Variants in NMU observed in about 807,000 individuals in gnomAD.
NMU encodes the protein neuromedin U, also known as neuromedin-U.
In NMU, 29 loss-of-function variants were observed where a neutral mutation model predicts 35.4. That is an observed-to-expected ratio of 0.82 (90% confidence interval 0.61 to 1.12). The LOEUF is 1.12. NMU is among the 50% of genes most tolerant of loss of function. NMU has a pLI of 0.00. For missense variants in NMU, 199 were observed against 206.2 expected (o/e 0.97, Z 0.21); for synonymous variants, 78 against 81.3 (o/e 0.96, Z 0.22).
intron 3 of NMU, among the ~76,000 whole-genome samples, chr4:55,612,324 C>T (rs1174409717): frequency 6.6e-6 from 1 of 152,162 alleles, no homozygotes; most frequent in Non-Finnish European, 1.5e-5. Flanking sequence ...TGCTTGAGCC[C>T]AGGAGTTCGT....
At chr4:55,634,133 G>C (rs1218674690) in intron 1 of NMU, among the ~76,000 whole-genome samples, 3 of 152,144 alleles carry the variant, frequency 2.0e-5, no homozygotes, top group African/African-American at 4.8e-5. Flanking sequence ...GAGGCATCCA[G>C]TTGCATCTTG....
At chr4:55,633,039 T>C (rs1400142036) in intron 1 of NMU, among the ~76,000 whole-genome samples, 1 of 110,922 alleles carries the variant, frequency 9.0e-6, no homozygotes, top group East Asian at 2.5e-4. Context: ...ACGACTAATA[T>C]CCTGGCTGGG....
intron 2 of NMU, among the ~76,000 whole-genome samples, chr4:55,625,479 C>T (rs1279121938): frequency 1.3e-5 from 2 of 152,088 alleles, no homozygotes; most frequent in East Asian, 3.9e-4. Flanking sequence ...CCTTGTAATA[C>T]ACTTGATGAA....
rs2110188382 is a variant in NMU at position 55,604,997 on chromosome 4, C to T, written c.435+278G>A. On this transcript the variant is annotated intron_variant, in intron 7 of 9. Transcript: ENST00000264218. ...TTCTTAAACCAAGAATAGATTTTCT[C>T]ACCAAAAGTCATGGCTTTTGGAAAA... 2.6e-5 allele frequency among the ~76,000 whole-genome samples: 4 copies of T among 152,248 alleles called. No individual in the cohort carries two copies. In the South Asian group the frequency reaches 8.3e-4, roughly 32 times the overall value.
intron 1 of NMU, among the ~76,000 whole-genome samples, chr4:55,632,976 A>T (rs1242287747): frequency 2.8e-5 from 4 of 145,438 alleles, no homozygotes; most frequent in African/African-American, 1.0e-4. Flanking sequence ...TGTGGAAAAA[A>T]AAAAAAAAGG....
chr4:55,597,833 T>G (rs2110178145), intron 9 of NMU, among the ~76,000 whole-genome samples: 1 of 152,266 alleles, frequency 6.6e-6, no homozygotes, highest in African/African-American at 2.4e-5. Flanking sequence ...TGCAAAGTAC[T>G]CTTTCATGAT....
In NMU at chr4:55,607,327, T is replaced by A. The variant is rs748493995; in HGVS notation, c.331A>T (p.Thr111Ser). ...ACATTTGACTTGCCCAACTTCTGTG[T>A]CTTCGAATAATGAAATAAGAACTGT... is the stretch of plus-strand genomic sequence containing the variant. Reference protein sequence around the residue: ...TKRFLFHYSKTQKLGKSNVVS... With the variant: ...TKRFLFHYSKSQKLGKSNVVS... Residue 111 changes from threonine (T) to serine (S), a missense_variant, in exon 6 of 10, where the codon ACA becomes TCA. Physicochemically the swap from Thr to Ser is moderately conservative, Grantham distance 58. Coordinates refer to ENST00000264218, the MANE Select transcript of NMU (RefSeq NM_006681.4). 6.2e-7 allele frequency: 1 copy of A among 1,608,200 alleles called. No individual in the cohort carries two copies.
chr4:55,629,566 C>T (rs754823328), intron 2 of NMU, among the ~76,000 whole-genome samples: 5 of 136,134 alleles, frequency 3.7e-5, no homozygotes, highest in Non-Finnish European at 7.5e-5. Context: ...TTGCAGTGAG[C>T]GGAGATAGAG....
At chr4:55,607,258 C>T in intron 6 of NMU, 40 bp downstream of exon 6, 2 of 1,443,894 alleles carry the variant, frequency 1.4e-6, no homozygotes, top group Non-Finnish European at 1.9e-6. Context: ...TTCTTTTAAA[C>T]AAATATTAGT....
At position 55,633,242 on chromosome 4, in the gene NMU, A is replaced by G. The variant is rs892381623; in HGVS notation, c.113-2782T>C. On this transcript the variant is annotated intron_variant, in intron 1 of 9. Coordinates refer to ENST00000264218, the MANE Select transcript of NMU (RefSeq NM_006681.4). ...CGGGAGGCTGAGGCAGGAGAATGGC[A>G]TGAACCCGGGAGGCGGAGCTTGCAG... Among the ~76,000 whole-genome samples the G allele has an allele frequency of 9.9e-5, 15 of 151,436 alleles. No homozygotes were observed. The East Asian group carries it at 1.6e-3, about 16-fold the overall frequency.
chr4:55,635,421 G>A (rs1715855959), intron 1 of NMU, among the ~76,000 whole-genome samples: 1 of 152,128 alleles, frequency 6.6e-6, no homozygotes, highest in Non-Finnish European at 1.5e-5. Flanking sequence ...CTGTCGCACT[G>A]CCTGAAAGCC....
At chr4:55,602,577 G>C (rs1451986328) in intron 7 of NMU, among the ~76,000 whole-genome samples, 2 of 152,180 alleles carry the variant, frequency 1.3e-5, no homozygotes, top group African/African-American at 4.8e-5. Flanking sequence ...ACTAATGATT[G>C]TTGGTGTCTT....
chr4:55,628,958 C>A (rs911783237), intron 2 of NMU, among the ~76,000 whole-genome samples: 4 of 152,064 alleles, frequency 2.6e-5, no homozygotes, highest in African/African-American at 9.7e-5. Context: ...ATAGCTTATA[C>A]ATTTTGAGTT....
At position 55,616,316 on chromosome 4, in the gene NMU, A is replaced by G. The variant is rs781048800; in HGVS notation, c.219+22T>C. On this transcript the variant is annotated intron_variant, in intron 3 of 9. Coordinates refer to ENST00000264218, the MANE Select transcript of NMU (RefSeq NM_006681.4). ...CTACACAAACACCTACATTATTACA[A>G]AATATCTTCAATTGGAATTACCTGA... 3.8e-6 allele frequency: 6 copies of G among 1,588,302 alleles called. No individual in the cohort carries two copies. The Admixed American group carries it at 5.0e-5, about 13-fold the overall frequency.
intron 3 of NMU, among the ~76,000 whole-genome samples, chr4:55,614,285 A>G (rs73817216): frequency 0.018 from 2,776 of 152,222 alleles, 85 homozygotes; most frequent in African/African-American, 0.063. Flanking sequence ...TCCAGAATTT[A>G]TATTTTTTAT....
intron 2 of NMU, among the ~76,000 whole-genome samples, chr4:55,628,913 GA>G (rs1363466183): frequency 2.6e-5 from 4 of 151,706 alleles, no homozygotes; most frequent in Admixed American, 2.6e-4. Context: ...AAATATATAT[GA>G]AGCTAAAATT....
At chr4:55,613,787 C>G (rs930080837) in intron 3 of NMU, among the ~76,000 whole-genome samples, 1 of 152,098 alleles carries the variant, frequency 6.6e-6, no homozygotes, top group Non-Finnish European at 1.5e-5. Context: ...TGGAACCCAG[C>G]AACCATGTGA....
intron 2 of NMU, 78 bp from the exon 3 acceptor site, chr4:55,616,463 T>C: frequency 9.3e-7 from 1 of 1,080,572 alleles, no homozygotes. Context: ...AAAGTCACAT[T>C]ACCTATGGAA....
chr4:55,615,130 C>A (rs533404609), intron 3 of NMU, among the ~76,000 whole-genome samples: 1 of 152,336 alleles, frequency 6.6e-6, no homozygotes, highest in South Asian at 2.1e-4. Context: ...GCAGCAGCAT[C>A]CAGTAAAGAC....
Sources: allele counts gnomAD v4.1 joint callset (sites outside exome capture counted in the v4.1 genomes callset), GRCh38; gene constraint gnomAD v4.1.1; transcripts MANE v1.5; gene names NCBI Gene and HGNC (gene_info 2026-07-23, HGNC 2026-07-21).